RCHY1: variants seen among roughly 807,000 people sequenced by gnomAD.
RCHY1 encodes the protein RING finger and CHY zinc finger domain-containing protein 1.
A neutral mutation model predicts 41.6 loss-of-function variants in RCHY1; 21 were observed. That is an observed-to-expected ratio of 0.51 (90% CI 0.36 to 0.73). RCHY1 has a LOEUF of 0.73. Among genes scored for constraint, RCHY1 ranks in the 30% least tolerant of loss-of-function variants. The probability of loss-of-function intolerance (pLI) is 0.00; values close to 1 mark genes in which losing one functional copy is unlikely to be tolerated. For synonymous variants in RCHY1, 79 were observed against 102.9 expected, an observed-to-expected ratio of 0.77 and a Z score of 1.41; for missense variants, 265 against 325.3, an observed-to-expected ratio of 0.81 and a Z score of 1.43.
intron 8 of RCHY1, among the ~76,000 whole-genome samples, chr4:75,487,634 TATATATTC>T (rs1722247037): frequency 2.7e-5 from 1 of 37,212 alleles, no homozygotes; most frequent in Admixed American, 3.9e-4. Context: ...ATTCATAATA[TATATATTC>T]ATATATATTC....
At position 75,490,608 on chromosome 4, in the gene RCHY1, T is replaced by C. The variant is rs368131203; in HGVS notation, c.630A>G (p.Pro210=). The change falls in exon 8 of 9, where the codon CCA becomes CCG. Residue 210 remains proline (P), a synonymous_variant. Coordinates refer to ENST00000324439, the MANE Select transcript of RCHY1 (RefSeq NM_015436.4). Reference sequence around the variant, plus strand: ...CCACAGTCATGTTCTGATATTCTGATGGCATAGGAGTCTGTGCTACTTCAT... The same window carrying C: ...CCACAGTCATGTTCTGATATTCTGACGGCATAGGAGTCTGTGCTACTTCAT... ...LDDEVAQTPM[P]SEYQNMTVDI... 2.5e-4 allele frequency: 397 copies of C among 1,612,556 alleles called. No homozygotes were observed. The highest frequency in any genetic ancestry group is 3.3e-4 in the Non-Finnish European group (387 of 1,179,054).
At position 75,496,274 on chromosome 4, in the gene RCHY1, TA is replaced by T. The variant is rs529119192; in HGVS notation, c.327-2096del. On this transcript the variant is annotated intron_variant, in intron 3 of 8. Coordinates refer to ENST00000324439, the MANE Select transcript of RCHY1 (RefSeq NM_015436.4). Reference sequence around the variant, plus strand: ...GATAAGAAACAAAGTAAGTGAGCCCTAAAATTGCTCATTTATTGCCTAGAGA... The same window carrying T: ...GATAAGAAACAAAGTAAGTGAGCCCTAAATTGCTCATTTATTGCCTAGAGA... 3.8e-3 allele frequency among the ~76,000 whole-genome samples: 581 copies of T among 152,162 alleles called. 2 individuals carry two copies. Among genetic ancestry groups the T allele is most frequent in the South Asian group, 6.8e-3 (33 of 4,826 alleles).
intron 2 of RCHY1, 52 bp downstream of exon 2, chr4:75,509,125 A>G: frequency 1.3e-6 from 2 of 1,523,744 alleles, no homozygotes; most frequent in South Asian, 2.4e-5. Context: ...ATTTTTTCAA[A>G]CCACCTTAAT....
At chr4:75,499,373 T>A (rs1560523104) in intron 3 of RCHY1, among the ~76,000 whole-genome samples, 1 of 152,142 alleles carries the variant, frequency 6.6e-6, no homozygotes, top group Non-Finnish European at 1.5e-5. Flanking sequence ...TGGAGAGTCC[T>A]CAAAAAGACT....
intron 1 of RCHY1, among the ~76,000 whole-genome samples, chr4:75,512,163 G>A (rs1391076532): frequency 2.6e-5 from 4 of 152,276 alleles, no homozygotes; most frequent in Middle Eastern, 3.4e-3. Context: ...TTCATATGAG[G>A]TGGACACTTA....
At chr4:75,486,319 TATAGTC>T (rs1411286033) in intron 8 of RCHY1, among the ~76,000 whole-genome samples, 3 of 152,180 alleles carry the variant, frequency 2.0e-5, no homozygotes, top group African/African-American at 4.8e-5. Context: ...TTTAAAATCT[TATAGTC>T]ATATGTTTAA....
chr4:75,487,682 T>TATATATATTCATATATATATTCATA (rs1560513134), intron 8 of RCHY1, among the ~76,000 whole-genome samples: 21 of 36,598 alleles, frequency 5.7e-4, no homozygotes, highest in East Asian at 2.9e-3. Context: ...ATATTCATAA[T>TATATATATTCATATATATATTCATA]ATATATATTC....
rs539056051 is a variant in RCHY1, at chr4:75,480,109, G to T, written c.*2429C>A. On this transcript the variant is annotated 3_prime_UTR_variant, in exon 9 of 9. Coordinates refer to ENST00000324439, the MANE Select transcript of RCHY1 (RefSeq NM_015436.4). ...GAAGGATTTTAATCATCGAGTTGACGTGTCATGAACAAATACTTGAAGCAA... is the reference window on the plus strand; with the variant it reads ...GAAGGATTTTAATCATCGAGTTGACTTGTCATGAACAAATACTTGAAGCAA... 3 of 152,146 alleles carry T rather than the reference G, an allele frequency of 2.0e-5. No homozygotes were observed. Among genetic ancestry groups the T allele is most frequent in the Non-Finnish European group, 4.4e-5 (3 of 68,006 alleles). The allele number at this position is 152,146 out of a possible 1,614,324, so 9.4% of individuals were successfully genotyped here.
chr4:75,489,536 T>C (rs2148723094), intron 8 of RCHY1, among the ~76,000 whole-genome samples: 1 of 108,192 alleles, frequency 9.2e-6, no homozygotes, highest in Admixed American at 9.2e-5. Context: ...TTGACTGGAT[T>C]GCCTTGGTCA....
chr4:75,487,824 A>ATATATATTCATTATATATATTC, intron 8 of RCHY1, among the ~76,000 whole-genome samples: 3 of 54,544 alleles, frequency 5.5e-5, no homozygotes, highest in African/African-American at 2.0e-4. Flanking sequence ...ATATATTCAT[A>ATATATATTCATTATATATATTC]ATATATATAT....
chr4:75,505,335 C>T (rs796650328), intron 3 of RCHY1, among the ~76,000 whole-genome samples: 29 of 152,204 alleles, frequency 1.9e-4, no homozygotes, highest in African/African-American at 6.7e-4. Flanking sequence ...GCACTGGGGA[C>T]CCTGATATAA....
chr4:75,509,461 G>T, intron 1 of RCHY1, 165 bp from the exon 2 acceptor site: 1 of 573,016 alleles, frequency 1.7e-6, no homozygotes, highest in Non-Finnish European at 3.0e-6. Context: ...CTAGTTTCTT[G>T]GCATATTTTA....
chr4:75,501,091 C>T lies in RCHY1; in HGVS notation c.327-6912G>A, dbSNP rs148116038. ...ATGGCACGATTTTGGCTCACTGCAA[C>T]CTCCCGCCCACGGGTTCAAGCAATT... On this transcript the variant is annotated intron_variant, in intron 3 of 8. Transcript: ENST00000324439. 8.9e-4 allele frequency among the ~76,000 whole-genome samples: 136 copies of T among 152,284 alleles called. 1 individual carries two copies. In the East Asian group the frequency reaches 0.024, roughly 27 times the overall value.
chr4:75,486,110 G>A (rs140082616), intron 8 of RCHY1, among the ~76,000 whole-genome samples: 79 of 152,160 alleles, frequency 5.2e-4, no homozygotes, highest in Non-Finnish European at 9.4e-4. Flanking sequence ...TTCTAGGAGG[G>A]GTTCCATCCT....
rs77541232 is a variant in RCHY1, at chr4:75,506,385, G to A, written c.326+2435C>T. Among the ~76,000 whole-genome samples the A allele has an allele frequency of 2.6e-3, 387 of 151,548 alleles. 1 individual carries two copies. The highest frequency in any genetic ancestry group is 9.0e-3 in the African/African-American group (373 of 41,374). ...ACAAAATTTACCCATAGATAATCAAGATATTGGAGTTATTAGGCACAGTCC... is the reference window on the plus strand; with the variant it reads ...ACAAAATTTACCCATAGATAATCAAAATATTGGAGTTATTAGGCACAGTCC... On this transcript the variant is annotated intron_variant, in intron 3 of 8. Transcript: ENST00000324439.
Position 75,514,366 on chromosome 4 carries a change from A to C in RCHY1, c.-80T>G. 6.8e-7 allele frequency: 1 copy of C among 1,479,788 alleles called. No homozygotes were observed. Among genetic ancestry groups the C allele is most frequent in the South Asian group, 1.2e-5 (1 of 80,734 alleles). The allele number at this position is 1,479,788 out of a possible 1,614,324, so 91.7% of individuals were successfully genotyped here. On this transcript the variant is annotated 5_prime_UTR_variant, in exon 1 of 9. Transcript: ENST00000324439. ...CCCAGAGAAGCTGCGCCTCTCTAGC[A>C]CACCCCTCCCAGCCCCAGCGGCCAC...
At chr4:75,506,103 G>T (rs1450398294) in intron 3 of RCHY1, among the ~76,000 whole-genome samples, 1 of 92,742 alleles carries the variant, frequency 1.1e-5, no homozygotes, top group South Asian at 3.8e-4. Context: ...ATAAAGGGAG[G>T]AAAAAAAAAA....
At chr4:75,502,222 G>A (rs775478571) in intron 3 of RCHY1, among the ~76,000 whole-genome samples, 1 of 151,866 alleles carries the variant, frequency 6.6e-6, no homozygotes, top group Non-Finnish European at 1.5e-5. Context: ...TGAATATTTT[G>A]TGACATTTAT....
At chr4:75,488,989 C>T (rs750531429) in intron 8 of RCHY1, among the ~76,000 whole-genome samples, 3 of 151,984 alleles carry the variant, frequency 2.0e-5, no homozygotes, top group African/African-American at 2.4e-5. Flanking sequence ...GCAGGAGAAT[C>T]GCTTGAACCC....
Sources: gnomAD v4.1 joint callset for allele counts (sites outside exome capture counted in the v4.1 genomes callset) on GRCh38, gnomAD v4.1.1 for gene constraint, MANE v1.5 for transcripts, NCBI Gene and HGNC (gene_info 2026-07-23, HGNC 2026-07-21) for gene names.